The following IPO11 variants were observed in gnomAD, a reference collection of about 807,000 sequenced individuals.
The protein encoded by IPO11 is importin 11.
A neutral mutation model predicts 143.2 loss-of-function variants in IPO11; 66 were observed. That is an observed-to-expected ratio of 0.46 (90% CI 0.38 to 0.57). The LOEUF is 0.57. Among genes scored for constraint, IPO11 ranks in the 20% least tolerant of loss-of-function variants. The probability of loss-of-function intolerance (pLI) is 0.00; values close to 1 mark genes in which losing one functional copy is unlikely to be tolerated. For missense variants in IPO11, 1,026 were observed against 1,141.0 expected (o/e 0.90, Z 1.45); for synonymous variants, 385 against 377.8 (o/e 1.02, Z -0.22).
intron 1 of IPO11, among the ~76,000 whole-genome samples, chr5:62,414,465 T>C (rs1182551394): frequency 6.6e-6 from 1 of 152,228 alleles, no homozygotes; most frequent in Non-Finnish European, 1.5e-5. Context: ...TTTTCCTTTC[T>C]TTATCAGCTT....
intron 13 of IPO11, among the ~76,000 whole-genome samples, chr5:62,489,048 G>A (rs1216627901): frequency 6.6e-6 from 1 of 152,162 alleles, no homozygotes; most frequent in Non-Finnish European, 1.5e-5. Context: ...TTAGCATTTT[G>A]TGGTGTATAT....
intron 27 of IPO11, chr5:62,580,959 T>C (rs1277120202): frequency 6.4e-7 from 1 of 1,551,224 alleles, no homozygotes; most frequent in East Asian, 2.4e-5. Flanking sequence ...ATGATGCTGC[T>C]TCAATGTCAG....
At chr5:62,433,845 G>T (rs1744076685) in intron 1 of IPO11, among the ~76,000 whole-genome samples, 1 of 152,042 alleles carries the variant, frequency 6.6e-6, no homozygotes, top group African/African-American at 2.4e-5. Context: ...AGGGTTGGCA[G>T]TAGTCAGTGA....
chr5:62,584,743 T>C (rs544327339), intron 27 of IPO11, among the ~76,000 whole-genome samples: 19 of 149,608 alleles, frequency 1.3e-4, no homozygotes, highest in Non-Finnish European at 2.8e-4. Flanking sequence ...TTTTGTTTTT[T>C]GTTTTTGTTT....
chr5:62,551,526 A>G (rs375275081), intron 26 of IPO11, among the ~76,000 whole-genome samples, 190 bp downstream of exon 26: 1 of 152,190 alleles, frequency 6.6e-6, no homozygotes, highest in African/African-American at 2.4e-5. Context: ...TGAAACTTAT[A>G]CATTTTTGTC....
At chr5:62,551,819 A>G (rs1445761493) in intron 26 of IPO11, among the ~76,000 whole-genome samples, 1 of 152,114 alleles carries the variant, frequency 6.6e-6, no homozygotes, top group Non-Finnish European at 1.5e-5. Context: ...TAGGTTTTTT[A>G]GTGAGGTGAT....
chr5:62,568,215 C>T (rs1461783946), intron 27 of IPO11, among the ~76,000 whole-genome samples: 1 of 151,888 alleles, frequency 6.6e-6, no homozygotes, highest in Non-Finnish European at 1.5e-5. Context: ...CCACCCACCT[C>T]AGCCTCCCAA....
chr5:62,531,700 T>A (rs1004880127), intron 22 of IPO11, among the ~76,000 whole-genome samples: 2 of 152,234 alleles, frequency 1.3e-5, no homozygotes, highest in Admixed American at 6.5e-5. Flanking sequence ...TAAAAACAAT[T>A]GTAACTGATT....
intron 6 of IPO11, among the ~76,000 whole-genome samples, 200 bp downstream of exon 6, chr5:62,467,463 A>T (rs1580212888): frequency 2.3e-5 from 1 of 43,494 alleles, no homozygotes; most frequent in Non-Finnish European, 5.8e-5. Context: ...AAGCACATAT[A>T]ATAAGTTGAA....
At chr5:62,463,308 A>C (rs1326988837) in intron 5 of IPO11, among the ~76,000 whole-genome samples, 3 of 152,030 alleles carry the variant, frequency 2.0e-5, no homozygotes, top group Non-Finnish European at 4.4e-5. Context: ...AGCCTCCCAA[A>C]GTGCTAGGAT....
chr5:62,565,912 G>T (rs1366499534), intron 27 of IPO11, among the ~76,000 whole-genome samples: 1 of 152,004 alleles, frequency 6.6e-6, no homozygotes, highest in African/African-American at 2.4e-5. Context: ...AATTGCTGAG[G>T]ATGATTGCTC....
At chr5:62,601,567 G>A (rs1424842487) in intron 28 of IPO11, among the ~76,000 whole-genome samples, 197 bp from the exon 29 acceptor site, 1 of 151,882 alleles carries the variant, frequency 6.6e-6, no homozygotes, top group African/African-American at 2.4e-5. Flanking sequence ...TTTTAGTGTG[G>A]CCCTTTTTAT....
chr5:62,480,329 T>G lies in IPO11; in HGVS notation c.829-2772T>G, dbSNP rs1368256489. 3.3e-5 allele frequency among the ~76,000 whole-genome samples: 5 copies of G among 152,216 alleles called. 1 individual carries two copies. Among genetic ancestry groups the G allele is most frequent in the Admixed American group, 2.6e-4 (4 of 15,282 alleles). ...GTTTTCGTACCAGTACCATGCTGTT[T>G]TGGTTACTGTAGCCTTGTAGTATAG... On this transcript the variant is annotated intron_variant, in intron 9 of 29. Transcript: ENST00000325324.
chr5:62,468,019 C>G (rs1490488268), intron 6 of IPO11, among the ~76,000 whole-genome samples: 1 of 152,102 alleles, frequency 6.6e-6, no homozygotes, highest in Admixed American at 6.6e-5. Context: ...ATAATCATAG[C>G]TCACTACAAC....
At chr5:62,587,317 A>G (rs980247812) in intron 27 of IPO11, among the ~76,000 whole-genome samples, 8 of 152,072 alleles carry the variant, frequency 5.3e-5, no homozygotes, top group Non-Finnish European at 8.8e-5. Context: ...AATTTCCACT[A>G]TGGTTTTTTA....
intron 29 of IPO11, among the ~76,000 whole-genome samples, chr5:62,622,091 A>T (rs1368875413): frequency 6.6e-6 from 1 of 151,558 alleles, no homozygotes; most frequent in Non-Finnish European, 1.5e-5. Flanking sequence ...TGTTGTCTAT[A>T]TTCTTTTATT....
chr5:62,486,454 A>G (rs1270063358), intron 12 of IPO11, among the ~76,000 whole-genome samples: 1 of 152,110 alleles, frequency 6.6e-6, no homozygotes, highest in Non-Finnish European at 1.5e-5. Flanking sequence ...TTCTTTTGGT[A>G]TGTTATTTCT....
intron 9 of IPO11, among the ~76,000 whole-genome samples, chr5:62,482,189 A>G (rs1315845761): frequency 6.6e-6 from 1 of 151,914 alleles, no homozygotes; most frequent in Non-Finnish European, 1.5e-5. Context: ...CTTCTTTATT[A>G]GTCTTGCTAG....
intron 20 of IPO11, among the ~76,000 whole-genome samples, chr5:62,521,743 T>C (rs931559360): frequency 1.6e-4 from 25 of 151,998 alleles, no homozygotes; most frequent in African/African-American, 4.3e-4. Context: ...CTTTTTTTTT[T>C]CCTCTTTCTC....
Sources: gnomAD v4.1 joint callset for allele counts (sites outside exome capture counted in the v4.1 genomes callset) on GRCh38, gnomAD v4.1.1 for gene constraint, MANE v1.5 for transcripts, NCBI Gene and HGNC (gene_info 2026-07-23, HGNC 2026-07-21) for gene names.